Variants in CCDC146 observed in about 807,000 individuals in gnomAD.
CCDC146 encodes coiled-coil domain containing 146.
Under a neutral mutation model 119.3 loss-of-function variants are expected in CCDC146, and 92 were observed. The ratio of observed to expected loss-of-function variants is 0.77; its 90% CI spans 0.65 to 0.92. CCDC146 has a LOEUF of 0.92. Among genes scored for constraint, CCDC146 ranks in the 40% least tolerant of loss-of-function variants. The probability of loss-of-function intolerance (pLI) is 0.00; values close to 1 mark genes in which losing one functional copy is unlikely to be tolerated. For synonymous variants in CCDC146, 372 were observed against 371.8 expected, an observed-to-expected ratio of 1.00 and a Z score of -0.01; for missense variants, 1,000 against 1,103.0, an observed-to-expected ratio of 0.91 and a Z score of 1.32.
At position 77,241,848 on chromosome 7, in the gene CCDC146, G is replaced by C; in HGVS notation, c.397G>C (p.Glu133Gln). Residue 133 changes from glutamate (E) to glutamine (Q), a missense_variant, in exon 4 of 19, where the codon GAA becomes CAA. This residue lies in a region of CCDC146 where 985 missense variants were observed against 1,045.3 expected (regional missense o/e 0.94). Coordinates refer to ENST00000285871, the MANE Select transcript of CCDC146 (RefSeq NM_020879.3). ...MREQLLKYQN[E>Q]YNAVKEREFH... ...AGAACAACTTCTCAAGTATCAAAAT[G>C]AATATAATGCAGTGAAGGAAAGAGA... 1 of 1,614,010 alleles carries C rather than the reference G, an allele frequency of 6.2e-7. No individual in the cohort carries two copies. Among genetic ancestry groups the C allele is most frequent in the South Asian group, 1.1e-5 (1 of 91,074 alleles).
At chr7:77,161,189 G>T (rs1791255287) in intron 1 of CCDC146, among the ~76,000 whole-genome samples, 2 of 152,088 alleles carry the variant, frequency 1.3e-5, no homozygotes, top group South Asian at 4.2e-4. Flanking sequence ...ACTGTTGGTG[G>T]GACTGTAAAC....
At chr7:77,169,716 C>T (rs919600377) in intron 2 of CCDC146, among the ~76,000 whole-genome samples, 1 of 152,196 alleles carries the variant, frequency 6.6e-6, no homozygotes, top group African/African-American at 2.4e-5. Context: ...TTCTGACATG[C>T]TCCTGTGATT....
At chr7:77,277,394 A>G (rs1352792542) in intron 11 of CCDC146, among the ~76,000 whole-genome samples, 1 of 152,248 alleles carries the variant, frequency 6.6e-6, no homozygotes, top group Non-Finnish European at 1.5e-5. Context: ...TCATTATTAA[A>G]TGAGCTAATT....
At chr7:77,169,656 A>G (rs1791388252) in intron 2 of CCDC146, among the ~76,000 whole-genome samples, 1 of 152,072 alleles carries the variant, frequency 6.6e-6, no homozygotes, top group Non-Finnish European at 1.5e-5. Flanking sequence ...TCATGCTATC[A>G]TTGTCCCACA....
chr7:77,188,124 C>A (rs1791701132), intron 2 of CCDC146, among the ~76,000 whole-genome samples: 1 of 152,164 alleles, frequency 6.6e-6, no homozygotes, highest in Non-Finnish European at 1.5e-5. Flanking sequence ...CCACGAGGCA[C>A]CCCTGGAGTC....
Position 77,158,677 on chromosome 7 carries a change from G to A in CCDC146, c.-11-8981G>A, listed in dbSNP as rs534021092. On this transcript the variant is annotated intron_variant, in intron 1 of 18. Coordinates refer to ENST00000285871, the MANE Select transcript of CCDC146 (RefSeq NM_020879.3). ...TGGGATTACAGGCGCCCACCACCAT[G>A]CCCGGCTAATTTTTGTATTTTTAGT... Among the ~76,000 whole-genome samples the A allele has an allele frequency of 7.2e-5, 11 of 152,016 alleles. No individual in the cohort carries two copies. The South Asian group carries it at 2.3e-3, about 32-fold the overall frequency.
chr7:77,265,007 T>C (rs1369585877), intron 9 of CCDC146, among the ~76,000 whole-genome samples: 1 of 152,230 alleles, frequency 6.6e-6, no homozygotes, highest in Non-Finnish European at 1.5e-5. Context: ...CCTTTGCAAC[T>C]CTTATGCCCT....
At chr7:77,171,412 G>A (rs1009186494) in intron 2 of CCDC146, among the ~76,000 whole-genome samples, 31 of 152,100 alleles carry the variant, frequency 2.0e-4, no homozygotes, top group African/African-American at 6.0e-4. Flanking sequence ...CCTTAAACCA[G>A]CCAATCCACA....
chr7:77,186,964 C>A (rs1791677393), intron 2 of CCDC146, among the ~76,000 whole-genome samples: 1 of 152,094 alleles, frequency 6.6e-6, no homozygotes. Flanking sequence ...AACACTCAGC[C>A]ATTGTTATAG....
At chr7:77,269,987 T>A (rs1272864937) in intron 9 of CCDC146, among the ~76,000 whole-genome samples, 1 of 152,214 alleles carries the variant, frequency 6.6e-6, no homozygotes, top group Non-Finnish European at 1.5e-5. Flanking sequence ...CATGAAGAGC[T>A]CTAGCTATTC....
At chr7:77,265,526 T>C (rs530497541) in intron 9 of CCDC146, among the ~76,000 whole-genome samples, 9 of 150,120 alleles carry the variant, frequency 6.0e-5, no homozygotes, top group Admixed American at 4.1e-4. Context: ...GGGTTATACA[T>C]TGGTAAAAAT....
At chr7:77,213,957 G>T (rs1050788223) in intron 2 of CCDC146, among the ~76,000 whole-genome samples, 3 of 152,174 alleles carry the variant, frequency 2.0e-5, no homozygotes, top group Admixed American at 2.0e-4. Flanking sequence ...TTGATAGAAT[G>T]ATTTCTTTTC....
chr7:77,274,453 A>G, intron 10 of CCDC146, 29 bp from the exon 11 acceptor site: 1 of 1,353,446 alleles, frequency 7.4e-7, no homozygotes, highest in Non-Finnish European at 1.0e-6. Context: ...CAAATAACTT[A>G]TAATATTATC....
At chr7:77,199,868 A>C (rs569611166) in intron 2 of CCDC146, 33 of 1,511,768 alleles carry the variant, frequency 2.2e-5, no homozygotes, top group Non-Finnish European at 2.8e-5. Flanking sequence ...TGCCTGAGTC[A>C]GGCTTTCTGT....
At chr7:77,273,672 G>A in intron 9 of CCDC146, 22 bp from the exon 10 acceptor site, 1 of 1,563,862 alleles carries the variant, frequency 6.4e-7, no homozygotes, top group Admixed American at 1.7e-5. Flanking sequence ...ATAAATGCAT[G>A]TTTTTAAATT....
chr7:77,235,292 G>A (rs1278928531), intron 2 of CCDC146, among the ~76,000 whole-genome samples: 3 of 152,150 alleles, frequency 2.0e-5, no homozygotes, highest in Non-Finnish European at 2.9e-5. Context: ...GAAGCTCAGC[G>A]TTCTTTAGAG....
Position 77,196,415 on chromosome 7 carries a change from T to A in CCDC146, c.156+28591T>A. 6.2e-7 allele frequency: 1 copy of A among 1,614,040 alleles called. No individual in the cohort carries two copies. Among genetic ancestry groups the A allele is most frequent in the Non-Finnish European group, 8.5e-7 (1 of 1,179,980 alleles). ...ATTACGGACACCTCTGTATTTTTGG[T>A]GATAATATTTGCCATTTAAGTTTGC... is the stretch of plus-strand genomic sequence containing the variant. On this transcript the variant is annotated intron_variant, in intron 2 of 18. Transcript: ENST00000285871. This position sits in a 1 kb window ranked among gnomAD's most constrained non-coding sequence, Gnocchi z 4.2.
At chr7:77,233,380 C>T (rs1205763131) in intron 2 of CCDC146, among the ~76,000 whole-genome samples, 1 of 152,170 alleles carries the variant, frequency 6.6e-6, no homozygotes, top group Non-Finnish European at 1.5e-5. Context: ...ACGTGAGCCA[C>T]AGTGCCCGGC....
intron 16 of CCDC146, 57 bp downstream of exon 16, chr7:77,286,983 G>GTACCATAGGTATCTGTGA: frequency 1.3e-6 from 2 of 1,577,672 alleles, no homozygotes; most frequent in Non-Finnish European, 1.7e-6. Context: ...TAGTTTCACA[G>GTACCATAGGTATCTGTGA]ATACCTATGG....
Sources: gnomAD v4.1 joint callset for allele counts (sites outside exome capture counted in the v4.1 genomes callset) on GRCh38, gnomAD v4.1.1 for gene constraint, gnomAD v4.1.1 regional missense constraint, Gnocchi (gnomAD v3.1) non-coding constraint, MANE v1.5 for transcripts, NCBI Gene and HGNC (gene_info 2026-07-23, HGNC 2026-07-21) for gene names.